Variants in CYP4X1 observed in about 807,000 individuals in gnomAD.
The protein encoded by CYP4X1 is cytochrome P450 4X1.
In CYP4X1, 44 loss-of-function variants were observed where a neutral mutation model predicts 57.9. The observed-to-expected ratio is 0.76, with a 90% CI of 0.60 to 0.98. CYP4X1 has a LOEUF of 0.98. CYP4X1 is among the 50% of genes least tolerant of loss of function. The pLI, the probability that CYP4X1 is intolerant of heterozygous loss-of-function variation, is 0.00. For missense variants in CYP4X1, 532 were observed against 623.9 expected, an observed-to-expected ratio of 0.85 and a Z score of 1.57; for synonymous variants, 227 against 228.6, an observed-to-expected ratio of 0.99 and a Z score of 0.06.
At chr1:47,015,834 T>G in the CYP4X1 span, among the ~76,000 whole-genome samples, 1 of 152,096 alleles carries the variant, frequency 6.6e-6, no homozygotes, top group Non-Finnish European at 1.5e-5. Context: ...GCCCCATTCA[T>G]CCCCTTCAGC....
At chr1:46,990,606 T>C in the CYP4X1 span, among the ~76,000 whole-genome samples, 1 of 152,192 alleles carries the variant, frequency 6.6e-6, no homozygotes, top group Non-Finnish European at 1.5e-5. Flanking sequence ...CACATGTATG[T>C]TTATTGTGGC....
At chr1:47,008,321 C>A in the CYP4X1 span, among the ~76,000 whole-genome samples, 1 of 152,142 alleles carries the variant, frequency 6.6e-6, no homozygotes, top group African/African-American at 2.4e-5. Flanking sequence ...TCCAGCCAAA[C>A]TAAACTTCAT....
chr1:46,980,928 T>C, the CYP4X1 span, among the ~76,000 whole-genome samples: 8 of 143,932 alleles, frequency 5.6e-5, no homozygotes, highest in African/African-American at 2.0e-4. Flanking sequence ...TGCCTAGCCA[T>C]ATGTAGAAAG....
At chr1:47,051,303 C>T (rs576130207), downstream of CYP4X1, among the ~76,000 whole-genome samples, 271 of 149,514 alleles carry the variant, frequency 1.8e-3, 1 homozygote, top group African/African-American at 6.3e-3. Flanking sequence ...CACTTGAACC[C>T]GGGAGGGGGA....
the CYP4X1 span, among the ~76,000 whole-genome samples, chr1:46,995,833 A>G: frequency 6.6e-6 from 1 of 152,160 alleles, no homozygotes; most frequent in African/African-American, 2.4e-5. Flanking sequence ...AACAACGTAC[A>G]CCCCATTTCA....
intron 8 of CYP4X1, among the ~76,000 whole-genome samples, chr1:47,043,171 T>A (rs1239937363): frequency 6.6e-6 from 1 of 152,126 alleles, no homozygotes; most frequent in Non-Finnish European, 1.5e-5. Flanking sequence ...AAGGTGGTAT[T>A]GCACTGTGGT....
upstream of CYP4X1, among the ~76,000 whole-genome samples, chr1:47,021,815 G>A (rs899973058): frequency 6.6e-6 from 1 of 152,184 alleles, no homozygotes; most frequent in Non-Finnish European, 1.5e-5. Context: ...GAGTAGGTGA[G>A]CCAAGGGGTT....
upstream of CYP4X1, among the ~76,000 whole-genome samples, chr1:47,023,343 G>A (rs1162632439): frequency 6.6e-6 from 1 of 152,130 alleles, no homozygotes; most frequent in African/African-American, 2.4e-5. Context: ...ACACCACTAG[G>A]CAGGCCACAG....
At chr1:46,984,376 TAAAAAAA>T in the CYP4X1 span, among the ~76,000 whole-genome samples, 1 of 118,598 alleles carries the variant, frequency 8.4e-6, no homozygotes, top group Non-Finnish European at 1.7e-5. Flanking sequence ...GCTCTGCCTT[TAAAAAAA>T]AAAAAAAAAA....
At chr1:47,037,686 T>G (rs1408934701) in intron 6 of CYP4X1, among the ~76,000 whole-genome samples, 1 of 152,108 alleles carries the variant, frequency 6.6e-6, no homozygotes, top group Non-Finnish European at 1.5e-5. Flanking sequence ...CATAAATAAC[T>G]CCAGACATTA....
At chr1:47,020,852 TA>T (rs1305281743), upstream of CYP4X1, among the ~76,000 whole-genome samples, 1 of 152,176 alleles carries the variant, frequency 6.6e-6, no homozygotes, top group African/African-American at 2.4e-5. Context: ...GGTCAAAGGT[TA>T]GTTACCTTGC....
chr1:47,008,887 T>C, the CYP4X1 span, among the ~76,000 whole-genome samples: 1 of 152,294 alleles, frequency 6.6e-6, no homozygotes, highest in Non-Finnish European at 1.5e-5. Flanking sequence ...TAAATATATA[T>C]GCACTCAATA....
the CYP4X1 span, among the ~76,000 whole-genome samples, chr1:46,965,927 A>T: frequency 3.3e-5 from 5 of 152,066 alleles, no homozygotes; most frequent in Admixed American, 3.3e-4. Flanking sequence ...CCACAGGGAG[A>T]TCTCACTCAG....
the CYP4X1 span, among the ~76,000 whole-genome samples, chr1:47,017,040 T>G: frequency 6.6e-6 from 1 of 152,232 alleles, no homozygotes; most frequent in Non-Finnish European, 1.5e-5. Flanking sequence ...ATCTCATTCT[T>G]TTTTATGGCT....
upstream of CYP4X1, among the ~76,000 whole-genome samples, chr1:47,021,958 G>C (rs947872096): frequency 2.0e-5 from 3 of 152,182 alleles, no homozygotes; most frequent in Admixed American, 6.5e-5. Context: ...CTCTGGGGCA[G>C]AGCATGGATC....
intron 9 of CYP4X1, 32 bp from the exon 10 acceptor site, chr1:47,048,533 C>T: frequency 1.9e-6 from 3 of 1,612,360 alleles, no homozygotes; most frequent in Non-Finnish European, 1.7e-6. Context: ...GCTCTTTCTC[C>T]TGCAGTCTCT....
chr1:46,994,191 C>G, the CYP4X1 span, among the ~76,000 whole-genome samples: 1 of 152,150 alleles, frequency 6.6e-6, no homozygotes, highest in Non-Finnish European at 1.5e-5. Flanking sequence ...ATAGGGAATC[C>G]TTTCCCCATT....
At chr1:46,989,829 G>C in the CYP4X1 span, among the ~76,000 whole-genome samples, 92 of 152,350 alleles carry the variant, frequency 6.0e-4, no homozygotes, top group African/African-American at 2.1e-3. Context: ...ATGGTGCTGG[G>C]AAAACTGGCT....
intron 8 of CYP4X1, among the ~76,000 whole-genome samples, chr1:47,043,722 T>A (rs9699932): frequency 6.6e-6 from 1 of 152,036 alleles, no homozygotes; most frequent in Non-Finnish European, 1.5e-5. Flanking sequence ...ATTATCCCAG[T>A]ACAATTTGTT....
Sources: gnomAD v4.1 joint callset for allele counts (sites outside exome capture counted in the v4.1 genomes callset) on GRCh38, gnomAD v4.1.1 for gene constraint, MANE v1.5 for transcripts, NCBI Gene and HGNC (gene_info 2026-07-23, HGNC 2026-07-21) for gene names.